The following CABP7 variants were observed in gnomAD, a reference collection of about 807,000 sequenced individuals.
CABP7 encodes the protein calcium binding protein 7.
Under a neutral mutation model 23.1 loss-of-function variants are expected in CABP7, and 13 were observed. That is an observed-to-expected ratio of 0.56 (90% CI 0.37 to 0.90). The LOEUF is 0.90. Ranked by LOEUF, CABP7 falls within the 40% of genes least tolerant of loss-of-function variation. CABP7 has a pLI of 0.01. For missense variants in CABP7, 248 were observed against 295.6 expected (o/e 0.84, Z 1.18); for synonymous variants, 123 against 115.3 (o/e 1.07, Z -0.43).
At position 29,720,319 on chromosome 22, in the gene CABP7, C is replaced by G; in HGVS notation, c.-106C>G. On this transcript the variant is annotated 5_prime_UTR_variant, in exon 1 of 5. Coordinates refer to ENST00000216144, the MANE Select transcript of CABP7 (RefSeq NM_182527.3). This position sits in a 1 kb window ranked among gnomAD's most constrained non-coding sequence, Gnocchi z 5.2. ...GCCTCGCCGCTGCCGCCGCCGCCCT[C>G]CGCAGCCGCGCGCCCCGCCCGCTCC... is the stretch of plus-strand genomic sequence containing the variant. 2.6e-6 allele frequency: 1 copy of G among 379,328 alleles called. No homozygotes were observed. Among genetic ancestry groups the G allele is most frequent in the South Asian group, 1.0e-4 (1 of 9,770 alleles). The allele number at this position is 379,328 out of a possible 1,614,324, so 23.5% of individuals were successfully genotyped here.
chr22:29,728,586 C>A, intron 2 of CABP7, 44 bp from the exon 3 acceptor site: 1 of 1,299,078 alleles, frequency 7.7e-7, no homozygotes, highest in Non-Finnish European at 1.1e-6. Context: ...GGGCTGCAGG[C>A]CTGGGCCCTA....
rs2067750308 is a variant in CABP7, at chr22:29,720,344, CAGCCGCCCCCGG to C, written c.-80_-69del. The C allele has an allele frequency of 1.4e-6, 1 of 737,874 alleles. No individual in the cohort carries two copies. Among genetic ancestry groups the C allele is most frequent in the South Asian group, 4.3e-5 (1 of 23,394 alleles). The allele number at this position is 737,874 out of a possible 1,614,324, so 45.7% of individuals were successfully genotyped here. Reference sequence around the variant, plus strand: ...CCGCAGCCGCGCGCCCCGCCCGCTCCAGCCGCCCCCGGGGCCGCCACCGGCCCATGAGCCCCG... The same window carrying C: ...CCGCAGCCGCGCGCCCCGCCCGCTCCGGCCGCCACCGGCCCATGAGCCCCG... On this transcript the variant is annotated 5_prime_UTR_variant, in exon 1 of 5. Coordinates refer to ENST00000216144, the MANE Select transcript of CABP7 (RefSeq NM_182527.3). This position sits in a 1 kb window ranked among gnomAD's most constrained non-coding sequence, Gnocchi z 5.2.
Position 29,727,375 on chromosome 22 carries a change from G to C in CABP7, c.110-287G>C, listed in dbSNP as rs576053630. 8.5e-5 allele frequency among the ~76,000 whole-genome samples: 13 copies of C among 152,350 alleles called. No individual in the cohort carries two copies. The highest frequency in any genetic ancestry group is 1.8e-4 in the Non-Finnish European group (12 of 68,036). ...CACGTGGTCCCCACCACACGGGGTC[G>C]TTGTGAGCACACCAGGAGAGGCTGT... On this transcript the variant is annotated intron_variant, in intron 1 of 4. Coordinates refer to ENST00000216144, the MANE Select transcript of CABP7 (RefSeq NM_182527.3). The surrounding 1 kb of genome is among the most constrained non-coding windows in gnomAD (Gnocchi z 4.2).
rs2067825104 is a variant in CABP7 at position 29,729,720 on chromosome 22, C to T, written c.*151C>T. On this transcript the variant is annotated 3_prime_UTR_variant, in exon 5 of 5. Transcript: ENST00000216144. ...TATCCAGCGAGCCCTCCCCACCCAC[C>T]CACGGTCCTCACCTGGAGCTGTGGC... The T allele has an allele frequency of 2.0e-6, 2 of 988,502 alleles. No individual in the cohort carries two copies. The highest frequency in any genetic ancestry group is 2.5e-5 in the Admixed American group (1 of 39,270). 61.2% of individuals were successfully genotyped at this position (988,502 alleles called of 1,614,324 possible).
intron 2 of CABP7, among the ~76,000 whole-genome samples, chr22:29,728,325 G>A (rs2067810758): frequency 6.6e-6 from 1 of 152,210 alleles, no homozygotes; most frequent in African/African-American, 2.4e-5. Flanking sequence ...CCCACCCCAG[G>A]ATGGCCGCAG....
chr22:29,726,784 G>T (rs541066783), intron 1 of CABP7, among the ~76,000 whole-genome samples: 6 of 152,184 alleles, frequency 3.9e-5, no homozygotes, highest in South Asian at 2.1e-4. Context: ...GGCCCTGCTG[G>T]GGCTGTGATG....
chr22:29,723,039 A>C (rs1601706150), intron 1 of CABP7, among the ~76,000 whole-genome samples: 2 of 152,144 alleles, frequency 1.3e-5, no homozygotes, highest in Non-Finnish European at 2.9e-5. Flanking sequence ...TGGTTTCCCC[A>C]CCTATAAAAG....
chr22:29,725,125 G>C (rs1027850220), intron 1 of CABP7, among the ~76,000 whole-genome samples: 1 of 152,072 alleles, frequency 6.6e-6, no homozygotes, highest in Non-Finnish European at 1.5e-5. Flanking sequence ...GCCTGACCCT[G>C]GTCCTCCTTC....
intron 1 of CABP7, among the ~76,000 whole-genome samples, chr22:29,725,296 G>A (rs9614037): frequency 0.36 from 54,188 of 151,886 alleles, 11,008 homozygotes; most frequent in South Asian, 0.58. Flanking sequence ...GAGTGGAAAT[G>A]AACGTGTCCC....
In CABP7 at chr22:29,731,435, C is replaced by T. The variant is rs2067843183; in HGVS notation, c.*1866C>T. ...GCCACCCCCAGCCCACCTGCCTCAC[C>T]ACCCTGGCTGTGGGGAGGGTCAGCT... is the stretch of plus-strand genomic sequence containing the variant. On this transcript the variant is annotated 3_prime_UTR_variant, in exon 5 of 5. Transcript: ENST00000216144. 2.7e-6 allele frequency: 4 copies of T among 1,494,658 alleles called. No individual in the cohort carries two copies. Among genetic ancestry groups the T allele is most frequent in the Non-Finnish European group, 3.5e-6 (4 of 1,137,986 alleles). 92.6% of individuals were successfully genotyped at this position (1,494,658 alleles called of 1,614,324 possible). A position where few individuals can be genotyped will look rare whatever the true frequency, so the allele number is the denominator to read the frequency against.
Position 29,720,445 on chromosome 22 carries a change from G to A in CABP7, c.21G>A (p.Thr7=). ...CCAAGATGCCGTTCCACCCGGTGAC[G>A]GCGGCGTTGATGTACCGGGGCATCT... The part of the protein sequence containing the change: MPFHPV[T]AALMYRGIYT... The change falls in exon 1 of 5, where the codon ACG becomes ACA. Residue 7 remains threonine (T), a synonymous_variant. Coordinates refer to ENST00000216144, the MANE Select transcript of CABP7 (RefSeq NM_182527.3). The surrounding 1 kb of genome is among the most constrained non-coding windows in gnomAD (Gnocchi z 5.2). 1.3e-6 allele frequency: 2 copies of A among 1,549,790 alleles called. No individual in the cohort carries two copies. The highest frequency in any genetic ancestry group is 1.8e-5 in the Admixed American group (1 of 54,210).
chr22:29,720,664 G>A lies in CABP7; in HGVS notation c.109+131G>A. On this transcript the variant is annotated intron_variant, in intron 1 of 4. Transcript: ENST00000216144. This position sits in a 1 kb window ranked among gnomAD's most constrained non-coding sequence, Gnocchi z 5.2. ...TGCCGGTTGCCAGGTGGGCGCCCCAGCTAGCAGCTGTGCCCCGCGGCAAGA... is the reference window on the plus strand; with the variant it reads ...TGCCGGTTGCCAGGTGGGCGCCCCAACTAGCAGCTGTGCCCCGCGGCAAGA... 2.1e-6 allele frequency: 1 copy of A among 484,834 alleles called. No individual in the cohort carries two copies. The highest frequency in any genetic ancestry group is 2.9e-5 in the South Asian group (1 of 34,284). The allele number at this position is 484,834 out of a possible 1,614,324, so 30.0% of individuals were successfully genotyped here.
chr22:29,729,270 G>T, intron 4 of CABP7, 62 bp downstream of exon 4: 1 of 1,580,608 alleles, frequency 6.3e-7, no homozygotes, highest in South Asian at 1.1e-5. Flanking sequence ...GGGACGCACG[G>T]GGTGGGGAGA....
Position 29,729,848 on chromosome 22 carries a change from G to A in CABP7, c.*279G>A. On this transcript the variant is annotated 3_prime_UTR_variant, in exon 5 of 5. Transcript: ENST00000216144. ...CACTCACTCTTCCTACCATCCAGGG[G>A]CTCCTGGGAAATTAAGGAGGGATTT... 2.2e-6 allele frequency: 1 copy of A among 463,274 alleles called. No individual in the cohort carries two copies. The highest frequency in any genetic ancestry group is 3.9e-6 in the Non-Finnish European group (1 of 258,390). 28.7% of individuals were successfully genotyped at this position (463,274 alleles called of 1,614,324 possible). A position where few individuals can be genotyped will look rare whatever the true frequency, so the allele number is the denominator to read the frequency against.
Position 29,731,698 on chromosome 22 carries a change from C to A in CABP7, c.*2129C>A. ...AAGAATTAAGGCAGATTTATATGCACTGATGAGGAAAGACATACTGTGTGA... is the reference window on the plus strand; with the variant it reads ...AAGAATTAAGGCAGATTTATATGCAATGATGAGGAAAGACATACTGTGTGA... On this transcript the variant is annotated 3_prime_UTR_variant, in exon 5 of 5. Transcript: ENST00000216144. The A allele has an allele frequency of 4.1e-6, 1 of 241,440 alleles. No individual in the cohort carries two copies. Among genetic ancestry groups the A allele is most frequent in the Non-Finnish European group, 7.9e-6 (1 of 126,698 alleles). The allele number at this position is 241,440 out of a possible 1,614,324, so 15.0% of individuals were successfully genotyped here. A position where few individuals can be genotyped will look rare whatever the true frequency, so the allele number is the denominator to read the frequency against.
Position 29,731,690 on chromosome 22 carries a change from T to G in CABP7, c.*2121T>G, listed in dbSNP as rs2067847161. 2 of 258,092 alleles carry G rather than the reference T, an allele frequency of 7.7e-6. No individual in the cohort carries two copies. The highest frequency in any genetic ancestry group is 1.5e-5 in the Non-Finnish European group (2 of 137,046). The allele number at this position is 258,092 out of a possible 1,614,324, so 16.0% of individuals were successfully genotyped here. Reference sequence around the variant, plus strand: ...GCCTGTGTAAGAATTAAGGCAGATTTATATGCACTGATGAGGAAAGACATA... The same window carrying G: ...GCCTGTGTAAGAATTAAGGCAGATTGATATGCACTGATGAGGAAAGACATA... On this transcript the variant is annotated 3_prime_UTR_variant, in exon 5 of 5. Transcript: ENST00000216144.
intron 1 of CABP7, among the ~76,000 whole-genome samples, chr22:29,726,748 C>T (rs968964705): frequency 6.6e-6 from 1 of 152,214 alleles, no homozygotes; most frequent in East Asian, 1.9e-4. Context: ...CCCCGCCCCC[C>T]ACTCCCAAAG....
chr22:29,727,527 C>T lies in CABP7; in HGVS notation c.110-135C>T. On this transcript the variant is annotated intron_variant, in intron 1 of 4. Coordinates refer to ENST00000216144, the MANE Select transcript of CABP7 (RefSeq NM_182527.3). This position sits in a 1 kb window ranked among gnomAD's most constrained non-coding sequence, Gnocchi z 4.2. ...CCCTTGTGCACCCTCGGGCCATGCT[C>T]TCACCAGATCTGCAGGCTCTGGGTT... The T allele has an allele frequency of 8.9e-7, 1 of 1,120,518 alleles. No homozygotes were observed. Among genetic ancestry groups the T allele is most frequent in the South Asian group, 1.3e-5 (1 of 76,082 alleles). 69.4% of individuals were successfully genotyped at this position (1,120,518 alleles called of 1,614,324 possible). A position where few individuals can be genotyped will look rare whatever the true frequency, so the allele number is the denominator to read the frequency against.
chr22:29,720,416 G>C lies in CABP7; in HGVS notation c.-9G>C, dbSNP rs375700349. On this transcript the variant is annotated 5_prime_UTR_variant, in exon 1 of 5. Transcript: ENST00000216144. This position sits in a 1 kb window ranked among gnomAD's most constrained non-coding sequence, Gnocchi z 5.2. The stretch of plus-strand genomic sequence containing the variant: ...TTTGCGGCGGGCGGGCGGGCGCGGA[G>C]CCTCCAAGATGCCGTTCCACCCGGT... The C allele has an allele frequency of 2.4e-5, 36 of 1,495,266 alleles. No individual in the cohort carries two copies. Among genetic ancestry groups the C allele is most frequent in the Non-Finnish European group, 2.8e-5 (31 of 1,121,818 alleles). The allele number at this position is 1,495,266 out of a possible 1,614,324, so 92.6% of individuals were successfully genotyped here. A position where few individuals can be genotyped will look rare whatever the true frequency, so the allele number is the denominator to read the frequency against.
Sources: gnomAD v4.1 joint callset for allele counts (sites outside exome capture counted in the v4.1 genomes callset) on GRCh38, gnomAD v4.1.1 for gene constraint, Gnocchi (gnomAD v3.1) non-coding constraint, MANE v1.5 for transcripts, NCBI Gene and HGNC (gene_info 2026-07-23, HGNC 2026-07-21) for gene names.